Variants in CDIN1 observed in about 807,000 individuals in gnomAD.
The protein encoded by CDIN1 is CDAN1 interacting nuclease 1, also known as CDAN1-interacting nuclease 1.
CDIN1 carries 33 observed loss-of-function variants against 45.3 expected under a neutral mutation model. The ratio of observed to expected loss-of-function variants is 0.73; its 90% CI spans 0.55 to 0.97. CDIN1 has a LOEUF of 0.97. Among genes scored for constraint, CDIN1 ranks in the 50% least tolerant of loss-of-function variants. The probability of loss-of-function intolerance (pLI) is 0.00; values close to 1 mark genes in which losing one functional copy is unlikely to be tolerated. For synonymous variants in CDIN1, 118 were observed against 124.4 expected (o/e 0.95, Z 0.34); for missense variants, 303 against 339.4 (o/e 0.89, Z 0.84).
chr15:36,683,268 AG>A (rs1160211847), intron 5 of CDIN1, among the ~76,000 whole-genome samples: 1 of 146,890 alleles, frequency 6.8e-6, no homozygotes, highest in African/African-American at 2.5e-5. Flanking sequence ...GGTGTAAGGA[AG>A]GGATCCAGTT....
At chr15:36,724,065 T>C (rs1234366487) in intron 10 of CDIN1, among the ~76,000 whole-genome samples, 2 of 152,186 alleles carry the variant, frequency 1.3e-5, no homozygotes, top group African/African-American at 4.8e-5. Flanking sequence ...CTCTGTTTCA[T>C]ATGAGAAAGT....
At chr15:36,805,466 AGT>A (rs1383786520) in intron 10 of CDIN1, among the ~76,000 whole-genome samples, 1 of 152,138 alleles carries the variant, frequency 6.6e-6, no homozygotes, top group Non-Finnish European at 1.5e-5. Flanking sequence ...TTGCCTTCCC[AGT>A]GATCTCATTT....
chr15:36,688,507 A>G (rs1368431730), intron 5 of CDIN1, among the ~76,000 whole-genome samples: 2 of 152,158 alleles, frequency 1.3e-5, no homozygotes, highest in Non-Finnish European at 2.9e-5. Flanking sequence ...TGCTTTATAC[A>G]TACTTTGTAG....
chr15:36,679,019 T>A (rs2041753543), intron 5 of CDIN1, among the ~76,000 whole-genome samples: 1 of 152,234 alleles, frequency 6.6e-6, no homozygotes, highest in Admixed American at 6.5e-5. Context: ...TCTTCTATTA[T>A]GTCGTTATAG....
At chr15:36,639,342 A>T (rs1172380113) in intron 1 of CDIN1, among the ~76,000 whole-genome samples, 4 of 147,260 alleles carry the variant, frequency 2.7e-5, no homozygotes, top group Admixed American at 1.4e-4. Context: ...GTGGTGGCTC[A>T]CGCCTGCAAT....
At chr15:36,775,700 A>G (rs1026445220) in intron 10 of CDIN1, among the ~76,000 whole-genome samples, 1 of 53,132 alleles carries the variant, frequency 1.9e-5, no homozygotes, top group Admixed American at 3.3e-4. Flanking sequence ...ATCTATTACC[A>G]GATTTACACA....
At chr15:36,648,322 A>G (rs2040426653) in intron 3 of CDIN1, among the ~76,000 whole-genome samples, 1 of 152,102 alleles carries the variant, frequency 6.6e-6, no homozygotes, top group African/African-American at 2.4e-5. Flanking sequence ...ATTATTTTGT[A>G]AAAAGCGTTT....
intron 8 of CDIN1, among the ~76,000 whole-genome samples, chr15:36,699,209 T>G (rs554173429): frequency 6.6e-6 from 1 of 151,718 alleles, no homozygotes; most frequent in East Asian, 1.9e-4. Context: ...CTTTGTATTT[T>G]TAATGTAGCA....
In CDIN1 at chr15:36,784,763, T is replaced by G. The variant is rs1595594748; in HGVS notation, c.717-23561T>G. ...CTAAATTCTCCCCCTTTAAAAAACA[T>G]TCTTTATATGCTTGATATCTCTCCT... On this transcript the variant is annotated intron_variant, in intron 10 of 10. Transcript: ENST00000566621. Among the ~76,000 whole-genome samples, 8 of 152,266 alleles carry G rather than the reference T, an allele frequency of 5.3e-5. No individual in the cohort carries two copies. The South Asian group carries it at 1.5e-3, about 28-fold the overall frequency.
At chr15:36,635,512 T>C (rs1294331155) in intron 1 of CDIN1, among the ~76,000 whole-genome samples, 1 of 152,126 alleles carries the variant, frequency 6.6e-6, no homozygotes, top group East Asian at 1.9e-4. Flanking sequence ...ATACACAAAT[T>C]TGGGGTATCC....
chr15:36,644,133 T>C (rs936152698), intron 1 of CDIN1, 145 bp from the exon 2 acceptor site: 1 of 713,596 alleles, frequency 1.4e-6, no homozygotes, highest in African/African-American at 1.8e-5. Context: ...TTGTTTGAGG[T>C]GTTCATCTGG....
At chr15:36,800,117 T>C (rs1165281836) in intron 10 of CDIN1, among the ~76,000 whole-genome samples, 1 of 152,186 alleles carries the variant, frequency 6.6e-6, no homozygotes, top group Non-Finnish European at 1.5e-5. Flanking sequence ...ATTTTCTTTG[T>C]GGCATAAAGG....
chr15:36,582,232 G>C (rs1239733236), intron 1 of CDIN1, among the ~76,000 whole-genome samples: 1 of 152,144 alleles, frequency 6.6e-6, no homozygotes, highest in Non-Finnish European at 1.5e-5. Flanking sequence ...AAGTAAAAAT[G>C]GTGTTCCCTA....
chr15:36,649,786 A>T (rs12101923), intron 3 of CDIN1, among the ~76,000 whole-genome samples: 1 of 152,042 alleles, frequency 6.6e-6, no homozygotes, highest in African/African-American at 2.4e-5. Flanking sequence ...CTCCCACAGC[A>T]CTCTGTATAG....
chr15:36,612,423 CCA>C (rs2140277598), intron 1 of CDIN1, among the ~76,000 whole-genome samples: 1 of 152,224 alleles, frequency 6.6e-6, no homozygotes, highest in East Asian at 1.9e-4. Context: ...ACGGTATAAT[CCA>C]CAGTTATTTG....
intron 10 of CDIN1, among the ~76,000 whole-genome samples, chr15:36,712,643 A>G (rs1001556850): frequency 6.6e-6 from 1 of 152,172 alleles, no homozygotes; most frequent in African/African-American, 2.4e-5. Context: ...CATTTCTATA[A>G]GAGTTTTCTT....
intron 10 of CDIN1, among the ~76,000 whole-genome samples, chr15:36,732,305 A>T (rs138322954): frequency 2.0e-3 from 309 of 152,262 alleles, no homozygotes; most frequent in African/African-American, 6.2e-3. Context: ...AAAGGGAGGA[A>T]CTGTACTAGG....
At chr15:36,800,361 C>CA (rs2054970254) in intron 10 of CDIN1, among the ~76,000 whole-genome samples, 3 of 151,898 alleles carry the variant, frequency 2.0e-5, no homozygotes, top group Non-Finnish European at 4.4e-5. Flanking sequence ...TTCATTTCTA[C>CA]GAAAAAAGAA....
At chr15:36,702,431 C>T (rs1400858310) in intron 8 of CDIN1, among the ~76,000 whole-genome samples, 1 of 152,114 alleles carries the variant, frequency 6.6e-6, no homozygotes, top group Non-Finnish European at 1.5e-5. Flanking sequence ...GTTTTCTTAT[C>T]GGCTGAATTT....
Sources: gnomAD v4.1 joint callset for allele counts (sites outside exome capture counted in the v4.1 genomes callset) on GRCh38, gnomAD v4.1.1 for gene constraint, MANE v1.5 for transcripts, NCBI Gene and HGNC (gene_info 2026-07-23, HGNC 2026-07-21) for gene names.